The following ITGB1 variants were observed in gnomAD, a reference collection of about 807,000 sequenced individuals.
ITGB1 encodes the protein integrin subunit beta 1.
In ITGB1, 24 loss-of-function variants were observed where a neutral mutation model predicts 86.5. The ratio of observed to expected loss-of-function variants is 0.28; its 90% confidence interval spans 0.20 to 0.39. The LOEUF (loss-of-function observed/expected upper bound fraction) is 0.39. ITGB1 is among the 10% of genes least tolerant of loss of function. The pLI is 1.00. For missense variants in ITGB1, 556 were observed against 946.9 expected, an observed-to-expected ratio of 0.59 and a Z score of 5.42; for synonymous variants, 323 against 316.8, an observed-to-expected ratio of 1.02 and a Z score of -0.21.
At chr10:32,911,327 T>G (rs982289653) in intron 13 of ITGB1, 121 bp downstream of exon 13, 3 of 793,996 alleles carry the variant, frequency 3.8e-6, no homozygotes, top group Non-Finnish European at 6.1e-6. Flanking sequence ...GGCTTCCACA[T>G]GGCAGGCATT....
chr10:32,938,465 C>T (rs1443531494), intron 1 of ITGB1, among the ~76,000 whole-genome samples: 1 of 152,240 alleles, frequency 6.6e-6, no homozygotes, highest in Non-Finnish European at 1.5e-5. Context: ...ACAATCACCA[C>T]TAAGATGAAG....
chr10:32,947,536 C>A (rs1218477217), intron 1 of ITGB1, among the ~76,000 whole-genome samples: 2 of 150,980 alleles, frequency 1.3e-5, no homozygotes, highest in African/African-American at 2.4e-5. Flanking sequence ...CTGTTTGGGG[C>A]ATATGTAGCT....
intron 1 of ITGB1, among the ~76,000 whole-genome samples, chr10:32,954,730 T>G (rs1258116106): frequency 6.6e-6 from 1 of 152,218 alleles, no homozygotes. Context: ...CATACATATA[T>G]GTGCTTGTGT....
intron 13 of ITGB1, 119 bp downstream of exon 13, chr10:32,911,329 G>A (rs545500223): frequency 5.0e-6 from 4 of 805,536 alleles, no homozygotes; most frequent in East Asian, 2.6e-5. Flanking sequence ...CTTCCACATG[G>A]CAGGCATTTT....
intron 9 of ITGB1, among the ~76,000 whole-genome samples, chr10:32,921,533 G>T (rs1158299679): frequency 6.6e-6 from 1 of 152,114 alleles, no homozygotes; most frequent in Non-Finnish European, 1.5e-5. Context: ...GGGGATGGGG[G>T]CTGAAAGTGG....
At chr10:32,933,476 A>T (rs1235913377) in intron 2 of ITGB1, 1 of 152,298 alleles carries the variant, frequency 6.6e-6, no homozygotes, top group East Asian at 1.9e-4. Flanking sequence ...GTTTCTTTGC[A>T]TCTACCTAAG....
At chr10:32,927,457 G>C (rs1341169465) in intron 5 of ITGB1, among the ~76,000 whole-genome samples, 1 of 152,110 alleles carries the variant, frequency 6.6e-6, no homozygotes, top group East Asian at 1.9e-4. Context: ...ATACTAATTA[G>C]CAATTAGATA....
rs574778914 is a variant in ITGB1, at chr10:32,931,446, C to A, written c.153+1069G>T. Among the ~76,000 whole-genome samples, 42 of 152,196 alleles carry A rather than the reference C, an allele frequency of 2.8e-4. 1 individual carries two copies. The South Asian group carries it at 7.3e-3, about 26-fold the overall frequency. On this transcript the variant is annotated intron_variant, in intron 3 of 15. Transcript: ENST00000302278. ...TTTTTAAGTGAAACTGCTTTAAGTTCATCAATTCTAATTATTGTAACAATA... is the reference window on the plus strand; with the variant it reads ...TTTTTAAGTGAAACTGCTTTAAGTTAATCAATTCTAATTATTGTAACAATA...
At chr10:32,930,076 A>T in intron 3 of ITGB1, 32 bp from the exon 4 acceptor site, 1 of 838,922 alleles carries the variant, frequency 1.2e-6, no homozygotes, top group Non-Finnish European at 2.0e-6. Flanking sequence ...GGTATAAATG[A>T]AAATTGTAAT....
intron 1 of ITGB1, chr10:32,953,935 T>C (rs1935647): frequency 0.095 from 14,481 of 152,178 alleles, 882 homozygotes; most frequent in Admixed American, 0.2. Context: ...TCAAAGGAAT[T>C]AGAAGTTCAG....
chr10:32,935,002 C>T (rs1381800902), intron 2 of ITGB1, among the ~76,000 whole-genome samples: 1 of 152,092 alleles, frequency 6.6e-6, no homozygotes, highest in Non-Finnish European at 1.5e-5. Context: ...GATGTGGAGC[C>T]ACATCTTTAT....
chr10:32,955,298 G>A (rs79758810), intron 1 of ITGB1, among the ~76,000 whole-genome samples: 13,405 of 152,122 alleles, frequency 0.088, 834 homozygotes, highest in Admixed American at 0.2. Flanking sequence ...TAATCTCCAG[G>A]ATTCCACCCA....
chr10:32,921,011 A>C (rs1181419801), intron 9 of ITGB1, among the ~76,000 whole-genome samples: 63 of 145,758 alleles, frequency 4.3e-4, no homozygotes, highest in African/African-American at 1.4e-3. Context: ...AAAAACAGAA[A>C]CCCCCCAAAA....
rs199849600 is a variant in ITGB1, at chr10:32,922,752, T to C, written c.943-17A>G. On this transcript the variant is annotated splice_polypyrimidine_tract_variant and intron_variant, in intron 7 of 15. Transcript: ENST00000302278. ...AGGATAATCCTAAGAAATCAAGTAA[T>C]ATAATTTAGTATTTAAATACACCCT... is the stretch of plus-strand genomic sequence containing the variant. 2.5e-5 allele frequency: 35 copies of C among 1,374,858 alleles called. No homozygotes were observed. The South Asian group carries it at 3.6e-4, about 14-fold the overall frequency. 85.2% of individuals were successfully genotyped at this position (1,374,858 alleles called of 1,614,324 possible).
chr10:32,938,877 G>T (rs951430418), intron 1 of ITGB1, among the ~76,000 whole-genome samples: 1 of 152,186 alleles, frequency 6.6e-6, no homozygotes, highest in South Asian at 2.1e-4. Flanking sequence ...GGAGACCACA[G>T]TTAGAAGTGG....
chr10:32,944,917 C>T, intron 1 of ITGB1: 1 of 1,329,140 alleles, frequency 7.5e-7, no homozygotes, highest in Non-Finnish European at 1.1e-6. Flanking sequence ...CTTATGAAGC[C>T]CAAACAAAGC....
intron 1 of ITGB1, among the ~76,000 whole-genome samples, chr10:32,943,305 G>A (rs973637081): frequency 5.3e-5 from 8 of 152,082 alleles, no homozygotes; most frequent in African/African-American, 1.9e-4. Flanking sequence ...ATATTACTGG[G>A]TTATAAGATG....
intron 1 of ITGB1, among the ~76,000 whole-genome samples, chr10:32,957,211 G>A (rs778798909): frequency 2.4e-4 from 36 of 152,220 alleles, no homozygotes; most frequent in Non-Finnish European, 3.5e-4. Context: ...CGGAAGCTTA[G>A]AGAATGCAAC....
chr10:32,917,789 T>C (rs979593209), intron 11 of ITGB1, among the ~76,000 whole-genome samples: 14 of 152,340 alleles, frequency 9.2e-5, no homozygotes, highest in African/African-American at 2.9e-4. Flanking sequence ...AGTGTAGCGA[T>C]TCCTCAAGGA....
Sources: gnomAD v4.1 joint callset for allele counts (sites outside exome capture counted in the v4.1 genomes callset) on GRCh38, gnomAD v4.1.1 for gene constraint, MANE v1.5 for transcripts, NCBI Gene and HGNC (gene_info 2026-07-23, HGNC 2026-07-21) for gene names.